Variants in EYS observed in about 807,000 individuals in gnomAD.
The protein encoded by EYS is protein eyes shut homolog.
A neutral mutation model predicts 282.1 loss-of-function variants in EYS; 250 were observed. That is an observed-to-expected ratio of 0.89 (90% confidence interval 0.80 to 0.98). EYS has a LOEUF of 0.98. EYS is among the 50% of genes least tolerant of loss of function. The probability of loss-of-function intolerance (pLI) is 0.00; values close to 1 mark genes in which losing one functional copy is unlikely to be tolerated. For missense variants in EYS, 4,016 were observed against 3,709.0 expected, an observed-to-expected ratio of 1.08 and a Z score of -2.15; for synonymous variants, 1,355 against 1,282.9, an observed-to-expected ratio of 1.06 and a Z score of -1.20.
rs192013590 is a variant in EYS, at chr6:65,220,718, A to G, written c.2023+75145T>C. On this transcript the variant is annotated intron_variant, in intron 12 of 42. Transcript: ENST00000503581. ...GTGACTTTGGAACTGGGTAACATGC[A>G]GAGGTTGGAACAGTTTGGAGGGTTC... Among the ~76,000 whole-genome samples, 29 of 152,318 alleles carry G rather than the reference A, an allele frequency of 1.9e-4. No homozygotes were observed. In the East Asian group the frequency reaches 5.4e-3, roughly 28 times the overall value.
intron 9 of EYS, among the ~76,000 whole-genome samples, chr6:65,351,582 T>C (rs9345608): frequency 1.3e-5 from 2 of 151,984 alleles, no homozygotes; most frequent in East Asian, 1.9e-4. Context: ...ATTGTGAATA[T>C]GTTCCCTGTA....
intron 22 of EYS, among the ~76,000 whole-genome samples, chr6:64,767,798 C>T (rs1773400638): frequency 6.6e-6 from 1 of 151,826 alleles, no homozygotes; most frequent in Non-Finnish European, 1.5e-5. Context: ...TGGTAAATGC[C>T]CAATAGTGGG....
chr6:63,842,004 T>A (rs922004494), intron 36 of EYS, among the ~76,000 whole-genome samples: 1 of 152,212 alleles, frequency 6.6e-6, no homozygotes, highest in Non-Finnish European at 1.5e-5. Flanking sequence ...ATCCAGTCTA[T>A]CATTGATGGG....
chr6:65,654,027 C>G (rs186127200), intron 1 of EYS, among the ~76,000 whole-genome samples: 54 of 151,956 alleles, frequency 3.6e-4, no homozygotes, highest in African/African-American at 1.3e-3. Flanking sequence ...AAGTAAGTTT[C>G]ATTGATATAA....
At chr6:64,017,293 A>G (rs1367172723) in intron 33 of EYS, among the ~76,000 whole-genome samples, 1 of 151,830 alleles carries the variant, frequency 6.6e-6, no homozygotes, top group African/African-American at 2.4e-5. Context: ...GGGCTGTGAG[A>G]GTGGATTTAT....
chr6:64,421,259 A>T (rs541110527), intron 28 of EYS, among the ~76,000 whole-genome samples: 15 of 152,228 alleles, frequency 9.9e-5, no homozygotes, highest in African/African-American at 3.1e-4. Flanking sequence ...GAAGCCCCTT[A>T]AAAAAACCCT....
intron 12 of EYS, among the ~76,000 whole-genome samples, chr6:65,224,256 C>A (rs1202328077): frequency 6.6e-6 from 1 of 151,824 alleles, no homozygotes; most frequent in Non-Finnish European, 1.5e-5. Context: ...ATAAAAGGAA[C>A]AAAAAAGTAG....
At chr6:65,535,757 C>T (rs539902010) in intron 2 of EYS, among the ~76,000 whole-genome samples, 8 of 152,204 alleles carry the variant, frequency 5.3e-5, no homozygotes, top group Admixed American at 5.2e-4. Context: ...ATGATGCCCA[C>T]CCACATTAGG....
chr6:65,500,161 G>T (rs1766397865), intron 2 of EYS, among the ~76,000 whole-genome samples: 1 of 151,866 alleles, frequency 6.6e-6, no homozygotes, highest in African/African-American at 2.4e-5. Flanking sequence ...ATACACAAAT[G>T]CACACACCCA....
intron 28 of EYS, among the ~76,000 whole-genome samples, chr6:64,422,319 C>T (rs1283202228): frequency 1.3e-5 from 2 of 152,090 alleles, no homozygotes; most frequent in African/African-American, 2.4e-5. Context: ...AAGTGTGGGG[C>T]ATCTGTGCAG....
intron 11 of EYS, among the ~76,000 whole-genome samples, chr6:65,299,407 C>G (rs184802234): frequency 6.8e-4 from 103 of 151,868 alleles, no homozygotes; most frequent in Non-Finnish European, 1.1e-3. Context: ...TTCCCCTGAC[C>G]CCCCCCAAAA....
intron 12 of EYS, among the ~76,000 whole-genome samples, chr6:65,067,713 A>G (rs2150163729): frequency 6.6e-6 from 1 of 152,214 alleles, no homozygotes; most frequent in East Asian, 1.9e-4. Context: ...CCATTGCATA[A>G]AGTTGTCCAC....
At chr6:64,332,566 C>A (rs868317995) in intron 29 of EYS, among the ~76,000 whole-genome samples, 1 of 152,124 alleles carries the variant, frequency 6.6e-6, no homozygotes, top group African/African-American at 2.4e-5. Flanking sequence ...CAGCTAAAAC[C>A]AGCAGTGACC....
At chr6:64,173,918 T>C (rs923928175) in intron 31 of EYS, among the ~76,000 whole-genome samples, 5 of 152,014 alleles carry the variant, frequency 3.3e-5, no homozygotes, top group Non-Finnish European at 5.9e-5. Context: ...GGGAACAACC[T>C]GAGTGTTCAT....
intron 22 of EYS, among the ~76,000 whole-genome samples, chr6:64,783,297 C>T (rs914841447): frequency 2.0e-5 from 3 of 151,552 alleles, no homozygotes; most frequent in East Asian, 1.9e-4. Flanking sequence ...TATACATATC[C>T]TATATACATA....
At chr6:65,173,990 A>T (rs1317339542) in intron 12 of EYS, among the ~76,000 whole-genome samples, 3 of 151,236 alleles carry the variant, frequency 2.0e-5, no homozygotes, top group African/African-American at 7.3e-5. Flanking sequence ...TAAAGATAAC[A>T]TAAGGACTCT....
chr6:65,575,827 A>G (rs1296540441), intron 2 of EYS, among the ~76,000 whole-genome samples: 2 of 152,096 alleles, frequency 1.3e-5, no homozygotes, highest in African/African-American at 4.8e-5. Context: ...ACACCAACAA[A>G]TTGGATAACC....
intron 22 of EYS, among the ~76,000 whole-genome samples, chr6:64,779,360 C>A (rs548833967): frequency 6.6e-6 from 1 of 152,068 alleles, no homozygotes; most frequent in South Asian, 2.1e-4. Context: ...GACACTTAGA[C>A]CCATATGGCT....
At chr6:65,653,308 G>C (rs572866132) in intron 1 of EYS, among the ~76,000 whole-genome samples, 1 of 151,764 alleles carries the variant, frequency 6.6e-6, no homozygotes, top group Non-Finnish European at 1.5e-5. Flanking sequence ...AACACACCCA[G>C]GATGGGCATA....
Sources: allele counts gnomAD v4.1 joint callset (sites outside exome capture counted in the v4.1 genomes callset), GRCh38; gene constraint gnomAD v4.1.1; transcripts MANE v1.5; gene names NCBI Gene and HGNC (gene_info 2026-07-23, HGNC 2026-07-21).